DHRSX: variants seen among roughly 807,000 people sequenced by gnomAD.
DHRSX encodes the protein dehydrogenase/reductase X-linked.
Under a neutral mutation model 34.0 loss-of-function variants are expected in DHRSX, and 31 were observed. The observed-to-expected ratio is 0.91, with a 90% confidence interval of 0.69 to 1.23. The LOEUF (loss-of-function observed/expected upper bound fraction) is 1.23, where lower values mean the gene tolerates loss of function less well. DHRSX is among the 50% of genes most tolerant of loss of function. DHRSX has a pLI of 0.00. For missense variants in DHRSX, 414 were observed against 428.1 expected (o/e 0.97, Z 0.29); for synonymous variants, 201 against 183.8 (o/e 1.09, Z -0.76).
chrX:2,367,893 A>C (rs1569494300), intron 3 of DHRSX, among the ~76,000 whole-genome samples: 1 of 152,144 alleles, frequency 6.6e-6, no homozygotes, highest in Non-Finnish European at 1.5e-5. Flanking sequence ...AACAACTGCT[A>C]AACAATGAAA....
At chrX:2,453,429 T>C (rs1203066688) in intron 1 of DHRSX, among the ~76,000 whole-genome samples, 1 of 151,212 alleles carries the variant, frequency 6.6e-6, no homozygotes, top group Non-Finnish European at 1.5e-5. Context: ...CCCAGCTACA[T>C]GGGAGGCTGA....
chrX:2,371,813 C>G (rs2043076293), intron 3 of DHRSX, among the ~76,000 whole-genome samples: 1 of 152,130 alleles, frequency 6.6e-6, no homozygotes, highest in Non-Finnish European at 1.5e-5. Context: ...ATGATCTTTT[C>G]AAATGAAACT....
chrX:2,474,470 G>T (rs181592877), intron 1 of DHRSX, among the ~76,000 whole-genome samples: 30,521 of 150,704 alleles, frequency 0.2, 3,874 homozygotes, highest in African/African-American at 0.39. Context: ...GCAGCCAAAA[G>T]ACGGCACTGA....
intron 5 of DHRSX, among the ~76,000 whole-genome samples, chrX:2,245,978 CAAA>C (rs1218727541): frequency 0.02 from 2,680 of 131,642 alleles, 104 homozygotes; most frequent in African/African-American, 0.075. Context: ...AACAAAAAAA[CAAA>C]AAAACACACA....
At chrX:2,500,752 G>T in intron 1 of DHRSX, 65 bp downstream of exon 1, 1 of 236,082 alleles carries the variant, frequency 4.2e-6, no homozygotes, top group Non-Finnish European at 5.6e-6. Context: ...CCGCGCCCCC[G>T]CCCCCGAGCC....
At position 2,357,160 on chromosome X, in the gene DHRSX, C is replaced by T. The variant is rs139962640; in HGVS notation, c.286+51585G>A. Among the ~76,000 whole-genome samples, 209 of 152,182 alleles carry T rather than the reference C, an allele frequency of 1.4e-3. 4 individuals are homozygous for T. In the East Asian group the frequency reaches 0.029, roughly 21 times the overall value. On this transcript the variant is annotated intron_variant, in intron 3 of 6. Transcript: ENST00000334651. The stretch of plus-strand genomic sequence containing the variant: ...TCAGGAGGCTGAGGCAGGAGAATCG[C>T]TTGAACCCAGGAGGCGGAGATTGCA...
Position 2,243,525 on chromosome X carries a change from C to T in DHRSX, c.597-295G>A, listed in dbSNP as rs1289264510. ...TTTGGAGACAGAGTCCCCCCTCTGTCGCCCAGGCTGGAGTGCAGTGGTGCA... is the reference window on the plus strand; with the variant it reads ...TTTGGAGACAGAGTCCCCCCTCTGTTGCCCAGGCTGGAGTGCAGTGGTGCA... On this transcript the variant is annotated intron_variant, in intron 5 of 6. Transcript: ENST00000334651. Among the ~76,000 whole-genome samples, 6 of 151,990 alleles carry T rather than the reference C, an allele frequency of 3.9e-5. No homozygotes were observed. In the East Asian group the frequency reaches 5.8e-4, roughly 15 times the overall value.
chrX:2,313,326 G>A (rs2042186441), intron 3 of DHRSX, among the ~76,000 whole-genome samples: 1 of 150,918 alleles, frequency 6.6e-6, no homozygotes. Flanking sequence ...CCCTTTTTAG[G>A]CCAAACCAAC....
At chrX:2,474,971 G>T (rs1221813264) in intron 1 of DHRSX, among the ~76,000 whole-genome samples, 1 of 151,728 alleles carries the variant, frequency 6.6e-6, no homozygotes, top group African/African-American at 2.4e-5. Flanking sequence ...TGTTCCCTAG[G>T]CATGTGGCCA....
intron 3 of DHRSX, among the ~76,000 whole-genome samples, chrX:2,366,979 A>C (rs1317894854): frequency 6.6e-6 from 1 of 152,050 alleles, no homozygotes; most frequent in Non-Finnish European, 1.5e-5. Flanking sequence ...CTTTGTGAGG[A>C]TGTGTATGTG....
chrX:2,236,676 C>T (rs977134315), intron 6 of DHRSX, among the ~76,000 whole-genome samples: 1 of 152,132 alleles, frequency 6.6e-6, no homozygotes, highest in African/African-American at 2.4e-5. Context: ...ATGTGATCCA[C>T]CCGCCTCAGC....
At chrX:2,226,259 A>T (rs887410455) in intron 6 of DHRSX, among the ~76,000 whole-genome samples, 2 of 152,102 alleles carry the variant, frequency 1.3e-5, no homozygotes, top group African/African-American at 2.4e-5. Context: ...CTTACCTGCT[A>T]CCTCAAGAGT....
At chrX:2,270,666 G>T (rs2041538455) in intron 4 of DHRSX, among the ~76,000 whole-genome samples, 1 of 152,178 alleles carries the variant, frequency 6.6e-6, no homozygotes, top group Admixed American at 6.6e-5. Flanking sequence ...CAGTGCGGTT[G>T]TAGTGCTTTG....
intron 3 of DHRSX, among the ~76,000 whole-genome samples, chrX:2,310,559 T>A (rs958277607): frequency 6.7e-6 from 1 of 150,362 alleles, no homozygotes; most frequent in African/African-American, 2.5e-5. Flanking sequence ...TGTGTGTGTG[T>A]GTGAGAGAGA....
At chrX:2,367,435 C>CA (rs758111982) in intron 3 of DHRSX, among the ~76,000 whole-genome samples, 1,968 of 76,182 alleles carry the variant, frequency 0.026, 19 homozygotes, top group Middle Eastern at 0.038. Context: ...AAGACTGTCT[C>CA]AAAAAAAAAA....
At chrX:2,420,761 A>C (rs1323644504) in intron 2 of DHRSX, among the ~76,000 whole-genome samples, 1 of 151,982 alleles carries the variant, frequency 6.6e-6, no homozygotes, top group Non-Finnish European at 1.5e-5. Flanking sequence ...AAAAAAAAGA[A>C]TGGATAAAAA....
intron 1 of DHRSX, among the ~76,000 whole-genome samples, chrX:2,439,304 C>G (rs2044035401): frequency 6.6e-6 from 1 of 151,982 alleles, no homozygotes; most frequent in South Asian, 2.1e-4. Context: ...GAGAGAGCAG[C>G]TGGAGCTTCA....
intron 3 of DHRSX, among the ~76,000 whole-genome samples, chrX:2,355,642 A>C (rs2042841719): frequency 6.6e-6 from 1 of 152,042 alleles, no homozygotes; most frequent in Non-Finnish European, 1.5e-5. Flanking sequence ...GAGCACAAAA[A>C]TATTAAACGT....
chrX:2,337,997 C>T (rs1457905574), intron 3 of DHRSX: 1 of 108,764 alleles, frequency 9.2e-6, no homozygotes, highest in African/African-American at 3.9e-5. Context: ...CGCTGTGCCT[C>T]AGCTGAGACA....
Sources: gnomAD v4.1 joint callset for allele counts (sites outside exome capture counted in the v4.1 genomes callset) on GRCh38, gnomAD v4.1.1 for gene constraint, MANE v1.5 for transcripts, NCBI Gene and HGNC (gene_info 2026-07-23, HGNC 2026-07-21) for gene names.